The following ATP6V1D variants were observed in gnomAD, a reference collection of about 807,000 sequenced individuals.
ATP6V1D encodes V-type proton ATPase subunit D.
In ATP6V1D, 20 loss-of-function variants were observed where a neutral mutation model predicts 39.4. The ratio of observed to expected loss-of-function variants is 0.51; its 90% CI spans 0.36 to 0.74. The LOEUF is 0.74. ATP6V1D is among the 30% of genes least tolerant of loss of function. The pLI is 0.00. For missense variants in ATP6V1D, 228 were observed against 291.6 expected (o/e 0.78, Z 1.59); for synonymous variants, 100 against 100.5 (o/e 0.99, Z 0.03).
intron 2 of ATP6V1D, 140 bp downstream of exon 2, chr14:67,352,783 G>C (rs1021339678): frequency 1.2e-5 from 7 of 607,630 alleles, no homozygotes; most frequent in African/African-American, 5.7e-5. Flanking sequence ...TTTGATATTT[G>C]ACACTTGTTA....
At chr14:67,339,729 A>G (rs1237178485) in intron 8 of ATP6V1D, among the ~76,000 whole-genome samples, 1 of 152,230 alleles carries the variant, frequency 6.6e-6, no homozygotes, top group African/African-American at 2.4e-5. Flanking sequence ...TATTTGTTGA[A>G]TAACAGCTGA....
Position 67,345,782 on chromosome 14 carries a change from G to A in ATP6V1D, c.442C>T (p.Leu148=). The change falls in exon 6 of 9, where the codon CTA becomes TTA. Residue 148 remains leucine, a synonymous_variant. Coordinates refer to ENST00000216442, the MANE Select transcript of ATP6V1D (RefSeq NM_015994.4). ...YAKAVELLVE[L]ASLQTSFVTL... The stretch of plus-strand genomic sequence containing the variant: ...TTGCTACTTACCTGCAGAGAAGCTA[G>A]TTCCACCAGTAGTTCCACTGCTTTG... 6.2e-7 allele frequency: 1 copy of A among 1,613,272 alleles called. No individual in the cohort carries two copies. The highest frequency in any genetic ancestry group is 8.5e-7 in the Non-Finnish European group (1 of 1,179,274).
At chr14:67,353,092 A>C in intron 1 of ATP6V1D, 52 bp from the exon 2 acceptor site, 1 of 1,349,866 alleles carries the variant, frequency 7.4e-7, no homozygotes, top group Non-Finnish European at 1.0e-6. Context: ...TTTAAAAGAC[A>C]AAAAAAACCC....
At chr14:67,344,022 G>A (rs892406269) in intron 6 of ATP6V1D, among the ~76,000 whole-genome samples, 8 of 152,170 alleles carry the variant, frequency 5.3e-5, no homozygotes, top group Non-Finnish European at 1.2e-4. Context: ...CCTGAGTAAG[G>A]AAATCTTAAG....
intron 7 of ATP6V1D, among the ~76,000 whole-genome samples, chr14:67,342,605 C>G (rs2085593507): frequency 6.7e-6 from 1 of 148,696 alleles, no homozygotes; most frequent in South Asian, 2.1e-4. Flanking sequence ...CAAGGCCTGG[C>G]ACTAGCAAGC....
At chr14:67,341,285 C>T (rs536757197) in intron 7 of ATP6V1D, among the ~76,000 whole-genome samples, 78 of 152,148 alleles carry the variant, frequency 5.1e-4, no homozygotes, top group African/African-American at 1.6e-3. Context: ...TCTGCCCCAC[C>T]GCCCCTTCTG....
At chr14:67,343,757 C>T (rs1032120020) in intron 6 of ATP6V1D, among the ~76,000 whole-genome samples, 1 of 152,198 alleles carries the variant, frequency 6.6e-6, no homozygotes. Flanking sequence ...GTAGTCCCAG[C>T]TGCTTGGTAA....
At chr14:67,356,534 T>C (rs559930094) in intron 1 of ATP6V1D, among the ~76,000 whole-genome samples, 2 of 152,118 alleles carry the variant, frequency 1.3e-5, no homozygotes, top group South Asian at 4.2e-4. Flanking sequence ...GACAATTCTA[T>C]AGCTGAAAGG....
Position 67,338,565 on chromosome 14 carries a change from T to C in ATP6V1D, c.*56A>G. The C allele has an allele frequency of 1.3e-6, 2 of 1,572,620 alleles. No homozygotes were observed. Among genetic ancestry groups the C allele is most frequent in the South Asian group, 2.4e-5 (2 of 84,814 alleles). On this transcript the variant is annotated 3_prime_UTR_variant, in exon 9 of 9. Coordinates refer to ENST00000216442, the MANE Select transcript of ATP6V1D (RefSeq NM_015994.4). ...AGCCACACAAATCAAACCTACACAC[T>C]GTGAATTAAAATGAAGCCAGTGTTA...
intron 5 of ATP6V1D, 80 bp downstream of exon 5, chr14:67,347,329 A>G: frequency 8.4e-7 from 1 of 1,184,948 alleles, no homozygotes; most frequent in Middle Eastern, 2.0e-4. Context: ...ATCTAGCACC[A>G]TTTTCCAGAA....
intron 5 of ATP6V1D, among the ~76,000 whole-genome samples, chr14:67,346,134 C>T (rs1375433182): frequency 2.6e-5 from 4 of 152,138 alleles, no homozygotes; most frequent in Admixed American, 1.3e-4. Flanking sequence ...AGCTTGATGC[C>T]CCTTATTCCC....
chr14:67,339,643 T>C (rs2085564855), intron 8 of ATP6V1D, among the ~76,000 whole-genome samples: 1 of 152,194 alleles, frequency 6.6e-6, no homozygotes, highest in Admixed American at 6.5e-5. Context: ...CTGTGCTAAT[T>C]CTCTAATGGC....
At chr14:67,358,695 A>AAAAC (rs1378916526) in intron 1 of ATP6V1D, among the ~76,000 whole-genome samples, 1 of 152,186 alleles carries the variant, frequency 6.6e-6, no homozygotes, top group Non-Finnish European at 1.5e-5. Flanking sequence ...GTCTCTTATT[A>AAAAC]AAACAAACAA....
intron 1 of ATP6V1D, among the ~76,000 whole-genome samples, chr14:67,356,721 T>C (rs2085687404): frequency 6.6e-6 from 1 of 152,166 alleles, no homozygotes; most frequent in Non-Finnish European, 1.5e-5. Context: ...ACCCCAAACA[T>C]GTGCCTCCCC....
intron 4 of ATP6V1D, among the ~76,000 whole-genome samples, chr14:67,348,624 C>T (rs549320785): frequency 1.3e-5 from 2 of 151,672 alleles, no homozygotes; most frequent in African/African-American, 4.8e-5. Flanking sequence ...CGGGTTCAAG[C>T]GATTCTCCTG....
In ATP6V1D at chr14:67,340,148, T is replaced by G. The variant is rs986154495; in HGVS notation, c.602+292A>C. The G allele has an allele frequency of 2.4e-5, 7 of 287,146 alleles. No individual in the cohort carries two copies. The Admixed American group carries it at 3.0e-4, about 12-fold the overall frequency. The allele number at this position is 287,146 out of a possible 1,614,324, so 17.8% of individuals were successfully genotyped here. Reference sequence around the variant, plus strand: ...ACTCCTTGTTCTACTCTTTCCCCACTTTTCACTACTGCATTTGACTATCTT... The same window carrying G: ...ACTCCTTGTTCTACTCTTTCCCCACGTTTCACTACTGCATTTGACTATCTT... On this transcript the variant is annotated intron_variant, in intron 8 of 8. Coordinates refer to ENST00000216442, the MANE Select transcript of ATP6V1D (RefSeq NM_015994.4).
Position 67,338,582 on chromosome 14 carries a change from C to G in ATP6V1D, c.*39G>C. On this transcript the variant is annotated 3_prime_UTR_variant, in exon 9 of 9. Coordinates refer to ENST00000216442, the MANE Select transcript of ATP6V1D (RefSeq NM_015994.4). ...CTACACACTGTGAATTAAAATGAAG[C>G]CAGTGTTAGGGTTTCTCAAAGAACC... 6.3e-7 allele frequency: 1 copy of G among 1,583,238 alleles called. No individual in the cohort carries two copies. Among genetic ancestry groups the G allele is most frequent in the Non-Finnish European group, 8.6e-7 (1 of 1,166,328 alleles).
At chr14:67,351,387 G>A (rs1744209496) in intron 2 of ATP6V1D, among the ~76,000 whole-genome samples, 1 of 152,108 alleles carries the variant, frequency 6.6e-6, no homozygotes, top group African/African-American at 2.4e-5. Context: ...AGCAACAAAA[G>A]AAAATGTGGC....
intron 1 of ATP6V1D, among the ~76,000 whole-genome samples, chr14:67,355,449 CAAAAAA>C (rs564931669): frequency 0.056 from 1,049 of 18,804 alleles, 1 homozygote; most frequent in Middle Eastern, 0.1. Context: ...GACCCTGTCT[CAAAAAA>C]AAAAAAAAAA....
Sources: allele counts gnomAD v4.1 joint callset (sites outside exome capture counted in the v4.1 genomes callset), GRCh38; gene constraint gnomAD v4.1.1; transcripts MANE v1.5; gene names NCBI Gene and HGNC (gene_info 2026-07-23, HGNC 2026-07-21).